TOMM70: variants seen among roughly 807,000 people sequenced by gnomAD.
TOMM70 encodes the protein mitochondrial import receptor subunit TOM70.
In TOMM70, 13 loss-of-function variants were observed where a neutral mutation model predicts 73.6. The observed-to-expected ratio is 0.18, with a 90% CI of 0.11 to 0.28. TOMM70 has a LOEUF of 0.28. Ranked by LOEUF, TOMM70 falls within the 10% of genes least tolerant of loss-of-function variation. TOMM70 has a pLI of 1.00. For missense variants in TOMM70, 609 were observed against 747.5 expected, an observed-to-expected ratio of 0.81 and a Z score of 2.16; for synonymous variants, 257 against 271.2, an observed-to-expected ratio of 0.95 and a Z score of 0.51.
intron 4 of TOMM70, among the ~76,000 whole-genome samples, chr3:100,382,502 C>T (rs1045907200): frequency 7.2e-5 from 11 of 152,102 alleles, no homozygotes; most frequent in African/African-American, 2.7e-4. Context: ...GGGAGAGATT[C>T]AATTCGTTTT....
intron 3 of TOMM70, 74 bp from the exon 4 acceptor site, chr3:100,384,662 A>G (rs1293966059): frequency 1.5e-5 from 16 of 1,045,474 alleles, no homozygotes; most frequent in East Asian, 5.2e-5. Flanking sequence ...AATGGGTACA[A>G]TGTAACTACA....
intron 1 of TOMM70, among the ~76,000 whole-genome samples, chr3:100,395,551 A>AG (rs1356530487): frequency 2.0e-5 from 3 of 151,944 alleles, no homozygotes; most frequent in Admixed American, 1.3e-4. Flanking sequence ...TCAAAAAAAA[A>AG]AAAAAAAAGA....
At chr3:100,398,998 TC>T (rs1706856485) in intron 1 of TOMM70, among the ~76,000 whole-genome samples, 3 of 152,126 alleles carry the variant, frequency 2.0e-5, no homozygotes, top group Non-Finnish European at 4.4e-5. Context: ...AAAAATATCT[TC>T]GCCCGGGCGC....
At chr3:100,393,137 T>C (rs528100286) in intron 1 of TOMM70, among the ~76,000 whole-genome samples, 5 of 150,578 alleles carry the variant, frequency 3.3e-5, no homozygotes, top group East Asian at 2.0e-4. Context: ...GATTGTGCCA[T>C]TGCACTCCAG....
chr3:100,368,286 G>A (rs962900027), intron 10 of TOMM70, 120 bp from the exon 11 acceptor site: 58 of 1,211,732 alleles, frequency 4.8e-5, no homozygotes, highest in Non-Finnish European at 6.3e-5. Context: ...TAACTTATAA[G>A]GCAATATATA....
rs1706440100 is a variant in TOMM70 at position 100,365,566 on chromosome 3, A to G, written c.1825T>C (p.Ter609GlnextTer7). Residue 609 changes from the stop codon to glutamine, a stop_lost, in exon 12 of 12, where the codon TAA becomes CAA. Transcript: ENST00000284320. ...GGTCAGTCTGCTTTCCCCCTGTTTT[A>G]TAATGTTGGTGGTTTTAATCCGTAT... ...KKYGLKPPTL* is the reference protein window; with the variant it reads ...KKYGLKPPTLQ 6.2e-7 allele frequency: 1 copy of G among 1,614,178 alleles called. No homozygotes were observed. Among genetic ancestry groups the G allele is most frequent in the Admixed American group, 1.7e-5 (1 of 60,024 alleles).
At chr3:100,387,459 C>G (rs766870993) in intron 1 of TOMM70, among the ~76,000 whole-genome samples, 9 of 151,644 alleles carry the variant, frequency 5.9e-5, no homozygotes, top group Middle Eastern at 3.2e-3. Flanking sequence ...CCTGCCCCCC[C>G]AAAAAAGCAT....
At chr3:100,367,108 C>T (rs1321797404) in intron 11 of TOMM70, among the ~76,000 whole-genome samples, 2 of 152,130 alleles carry the variant, frequency 1.3e-5, no homozygotes, top group Non-Finnish European at 2.9e-5. Context: ...GTAGTCCCAG[C>T]TACTTGGGTG....
At chr3:100,375,858 C>T (rs971184269) in intron 6 of TOMM70, among the ~76,000 whole-genome samples, 4 of 152,018 alleles carry the variant, frequency 2.6e-5, no homozygotes, top group South Asian at 2.1e-4. Context: ...TTTGTGTTAA[C>T]GAACGTATTA....
At position 100,364,358 on chromosome 3, in the gene TOMM70, C is replaced by T. The variant is rs1706424762; in HGVS notation, c.*1206G>A. ...TCAAAATTCCTTAAGCACATGTAGCCATAGTTAAAGCACTAAACTTGTTAT... is the reference window on the plus strand; with the variant it reads ...TCAAAATTCCTTAAGCACATGTAGCTATAGTTAAAGCACTAAACTTGTTAT... On this transcript the variant is annotated 3_prime_UTR_variant, in exon 12 of 12. Coordinates refer to ENST00000284320, the MANE Select transcript of TOMM70 (RefSeq NM_014820.5). 6.6e-6 allele frequency: 1 copy of T among 152,154 alleles called. No individual in the cohort carries two copies. The highest frequency in any genetic ancestry group is 1.5e-5 in the Non-Finnish European group (1 of 68,038). 9.4% of individuals were successfully genotyped at this position (152,154 alleles called of 1,614,324 possible). A position where few individuals can be genotyped will look rare whatever the true frequency, so the allele number is the denominator to read the frequency against.
Position 100,386,844 on chromosome 3 carries a change from A to G in TOMM70, c.459T>C (p.Ser153=), listed in dbSNP as rs760542078. 4 of 1,614,176 alleles carry G rather than the reference A, an allele frequency of 2.5e-6. No homozygotes were observed. The highest frequency in any genetic ancestry group is 1.6e-4 in the Middle Eastern group (1 of 6,062). ...CAGCAGCTCTGTTTTGATAAAATGT[A>G]GAAAGGTCAACATTCTTCTCTGTAG... is the stretch of plus-strand genomic sequence containing the variant. ...LCPTEKNVDL[S]TFYQNRAAAF... Residue 153 remains serine (S), a synonymous_variant, in exon 2 of 12, where the codon TCT becomes TCC. Coordinates refer to ENST00000284320, the MANE Select transcript of TOMM70 (RefSeq NM_014820.5).
At chr3:100,377,515 A>G in intron 6 of TOMM70, 190 bp downstream of exon 6, 1 of 600,278 alleles carries the variant, frequency 1.7e-6, no homozygotes, top group Non-Finnish European at 2.8e-6. Context: ...CTAAATAAAG[A>G]TAAATATCAT....
At chr3:100,386,766 G>A in intron 2 of TOMM70, 39 bp downstream of exon 2, 2 of 1,580,794 alleles carry the variant, frequency 1.3e-6, no homozygotes, top group Non-Finnish European at 1.7e-6. Context: ...CAAATAAAGA[G>A]AAAGAAAAGG....
At chr3:100,369,823 A>G (rs1159640849) in intron 9 of TOMM70, among the ~76,000 whole-genome samples, 1 of 152,146 alleles carries the variant, frequency 6.6e-6, no homozygotes, top group Non-Finnish European at 1.5e-5. Flanking sequence ...TAAGGGCAAT[A>G]TTCATTTGGA....
At chr3:100,395,945 G>A (rs115806009) in intron 1 of TOMM70, among the ~76,000 whole-genome samples, 1 of 151,030 alleles carries the variant, frequency 6.6e-6, no homozygotes, top group Non-Finnish European at 1.5e-5. Flanking sequence ...GTAGAGAGAA[G>A]TTTCAGAAAA....
Position 100,364,362 on chromosome 3 carries a change from GTT to G in TOMM70, c.*1200_*1201del, listed in dbSNP as rs1706424839. On this transcript the variant is annotated 3_prime_UTR_variant, in exon 12 of 12. Coordinates refer to ENST00000284320, the MANE Select transcript of TOMM70 (RefSeq NM_014820.5). ...AATTCCTTAAGCACATGTAGCCATA[GTT>G]AAAGCACTAAACTTGTTATTTCAGG... 6.6e-6 allele frequency: 1 copy of G among 152,160 alleles called. No homozygotes were observed. The highest frequency in any genetic ancestry group is 1.5e-5 in the Non-Finnish European group (1 of 68,038). 9.4% of individuals were successfully genotyped at this position (152,160 alleles called of 1,614,324 possible). A position where few individuals can be genotyped will look rare whatever the true frequency, so the allele number is the denominator to read the frequency against.
At chr3:100,375,386 C>G (rs772348017) in intron 6 of TOMM70, among the ~76,000 whole-genome samples, 3 of 152,174 alleles carry the variant, frequency 2.0e-5, no homozygotes, top group Non-Finnish European at 2.9e-5. Context: ...CAGTCACTCT[C>G]CATCCCCCTC....
At chr3:100,377,667 CTATTT>C in intron 6 of TOMM70, 33 bp downstream of exon 6, 1 of 1,579,162 alleles carries the variant, frequency 6.3e-7, no homozygotes, top group Non-Finnish European at 8.7e-7. Context: ...GCATCGCCTT[CTATTT>C]AATAATTTCT....
At chr3:100,374,071 TAC>T (rs746862285) in intron 7 of TOMM70, among the ~76,000 whole-genome samples, 4 of 152,220 alleles carry the variant, frequency 2.6e-5, no homozygotes, top group Non-Finnish European at 5.9e-5. Context: ...CTGAAAGAAA[TAC>T]AGTCATGCAT....
Sources: allele counts gnomAD v4.1 joint callset (sites outside exome capture counted in the v4.1 genomes callset), GRCh38; gene constraint gnomAD v4.1.1; transcripts MANE v1.5; gene names NCBI Gene and HGNC (gene_info 2026-07-23, HGNC 2026-07-21).